The following ATF3 variants were observed in gnomAD, a reference collection of about 807,000 sequenced individuals.
ATF3 encodes cyclic AMP-dependent transcription factor ATF-3.
In ATF3, 10 loss-of-function variants were observed where a neutral mutation model predicts 18.4. The observed-to-expected ratio is 0.54, with a 90% CI of 0.34 to 0.92. The LOEUF is 0.92. Ranked by LOEUF, ATF3 falls within the 40% of genes least tolerant of loss-of-function variation. The pLI is 0.02. For synonymous variants in ATF3, 78 were observed against 87.9 expected (o/e 0.89, Z 0.63); for missense variants, 183 against 222.3 (o/e 0.82, Z 1.12).
At chr1:212,605,655 C>A (rs1654603609), upstream of ATF3, among the ~76,000 whole-genome samples, 1 of 152,220 alleles carries the variant, frequency 6.6e-6, no homozygotes, top group African/African-American at 2.4e-5. Flanking sequence ...CGTTTGGCTC[C>A]CTGCAATGTT....
chr1:212,611,822 TACA>T (rs1195480837), intron 1 of ATF3, among the ~76,000 whole-genome samples: 3 of 152,214 alleles, frequency 2.0e-5, no homozygotes, highest in Non-Finnish European at 4.4e-5. Flanking sequence ...CTGCCAATGA[TACA>T]ACATGATTTC....
chr1:212,602,412 G>A (rs970364575), intron 1 of ATF3, among the ~76,000 whole-genome samples: 1 of 152,124 alleles, frequency 6.6e-6, no homozygotes, highest in Admixed American at 6.5e-5. Context: ...ATTCTGACAC[G>A]ATGTAGAGCC....
intron 1 of ATF3, among the ~76,000 whole-genome samples, chr1:212,584,479 G>C (rs1382799405): frequency 6.6e-6 from 1 of 152,120 alleles, no homozygotes; most frequent in Non-Finnish European, 1.5e-5. Context: ...CAAGTCCAAA[G>C]GCAGGAAAAA....
chr1:212,567,076 C>A (rs992986583), intron 1 of ATF3, among the ~76,000 whole-genome samples: 1 of 152,192 alleles, frequency 6.6e-6, no homozygotes, highest in East Asian at 1.9e-4. Flanking sequence ...TTGGCCACTT[C>A]TTTGAAGCTG....
intron 1 of ATF3, among the ~76,000 whole-genome samples, chr1:212,585,527 T>A (rs1203240703): frequency 6.6e-6 from 1 of 152,242 alleles, no homozygotes; most frequent in East Asian, 1.9e-4. Flanking sequence ...GGCTTGCCTC[T>A]GTTTTCCCGG....
At chr1:212,571,731 A>G (rs1206649812) in intron 1 of ATF3, among the ~76,000 whole-genome samples, 1 of 80,382 alleles carries the variant, frequency 1.2e-5, no homozygotes, top group Non-Finnish European at 2.4e-5. Context: ...TTTTTTTTTG[A>G]GACGGAGTCT....
intron 1 of ATF3, among the ~76,000 whole-genome samples, chr1:212,567,101 A>G (rs1664395800): frequency 6.6e-6 from 1 of 152,112 alleles, no homozygotes; most frequent in Admixed American, 6.5e-5. Context: ...TTGAGCCATA[A>G]ATATAATTTC....
chr1:212,603,435 T>C (rs1207700437), intron 1 of ATF3, among the ~76,000 whole-genome samples: 1 of 152,188 alleles, frequency 6.6e-6, no homozygotes, highest in Admixed American at 6.5e-5. Context: ...GTCACAATCT[T>C]TGGGGGTCCT....
chr1:212,588,009 G>A (rs935964756), intron 1 of ATF3, among the ~76,000 whole-genome samples: 3 of 152,122 alleles, frequency 2.0e-5, no homozygotes, highest in South Asian at 2.1e-4. Flanking sequence ...AGCATGTGGG[G>A]TGACAGCGAT....
At chr1:212,609,387 G>T (rs1219808119) in intron 1 of ATF3, among the ~76,000 whole-genome samples, 2,131 of 140,474 alleles carry the variant, frequency 0.015, 80 homozygotes, top group African/African-American at 0.052. Flanking sequence ...GGGGGGGGGG[G>T]GCGCAGAGAG....
intron 1 of ATF3, among the ~76,000 whole-genome samples, chr1:212,609,762 G>A (rs1409653287): frequency 6.6e-6 from 1 of 152,378 alleles, no homozygotes; most frequent in Admixed American, 6.5e-5. Context: ...GGAGCCACTT[G>A]TGCAGATATT....
chr1:212,588,388 G>A (rs1158186406), intron 1 of ATF3, among the ~76,000 whole-genome samples: 1 of 152,038 alleles, frequency 6.6e-6, no homozygotes, highest in East Asian at 1.9e-4. Flanking sequence ...CACCAATAAA[G>A]AATCACATCT....
chr1:212,618,132 C>G lies in ATF3; in HGVS notation c.246C>G (p.Ala82=), dbSNP rs1298227514. ...GTTTCTTTTGGATTTTACAGGTAGC[C>G]CCTGAAGAAGATGAAAGGAAAAAGA... The part of the protein sequence containing the change: ...LGVSITKAEV[A]PEEDERKKRR... The change falls in exon 3 of 4, where the codon GCC becomes GCG. Residue 82 remains alanine (A), a synonymous_variant. Coordinates refer to ENST00000341491, the MANE Select transcript of ATF3 (RefSeq NM_001674.4). This position sits in a 1 kb window ranked among gnomAD's most constrained non-coding sequence, Gnocchi z 4.4. The G allele has an allele frequency of 1.2e-6, 2 of 1,613,864 alleles. No homozygotes were observed. The highest frequency in any genetic ancestry group is 1.7e-6 in the Non-Finnish European group (2 of 1,179,982).
At chr1:212,580,856 C>A (rs1664671122) in intron 1 of ATF3, among the ~76,000 whole-genome samples, 1 of 152,196 alleles carries the variant, frequency 6.6e-6, no homozygotes, top group South Asian at 2.1e-4. Flanking sequence ...GCAACCTTCA[C>A]CTCCCGGGTT....
intron 2 of ATF3, among the ~76,000 whole-genome samples, chr1:212,617,686 T>C (rs1361386651): frequency 6.6e-6 from 1 of 152,162 alleles, no homozygotes; most frequent in Non-Finnish European, 1.5e-5. Flanking sequence ...GGGTCTTGAA[T>C]TGAAGAAGAG....
At chr1:212,581,606 A>G (rs891729093) in intron 1 of ATF3, among the ~76,000 whole-genome samples, 3 of 152,226 alleles carry the variant, frequency 2.0e-5, no homozygotes, top group Non-Finnish European at 2.9e-5. Flanking sequence ...TCGTAAAATT[A>G]ATGGTTTGAA....
chr1:212,601,966 G>A (rs554472659), intron 1 of ATF3, among the ~76,000 whole-genome samples: 1 of 152,264 alleles, frequency 6.6e-6, no homozygotes, highest in South Asian at 2.1e-4. Context: ...TTGGGCATGT[G>A]AGATATTTTG....
chr1:212,590,472 A>T (rs756329255), intron 1 of ATF3, among the ~76,000 whole-genome samples: 1 of 152,182 alleles, frequency 6.6e-6, no homozygotes, highest in Non-Finnish European at 1.5e-5. Flanking sequence ...TAGGAAGTTC[A>T]CCATCCAAAT....
At chr1:212,611,722 C>G (rs1326885501) in intron 1 of ATF3, among the ~76,000 whole-genome samples, 3 of 152,184 alleles carry the variant, frequency 2.0e-5, no homozygotes, top group African/African-American at 7.2e-5. Context: ...TTCAATGTAG[C>G]TGTAGCTACT....
Sources: allele counts gnomAD v4.1 joint callset (sites outside exome capture counted in the v4.1 genomes callset), GRCh38; gene constraint gnomAD v4.1.1; non-coding constraint Gnocchi (gnomAD v3.1); transcripts MANE v1.5; gene names NCBI Gene and HGNC (gene_info 2026-07-23, HGNC 2026-07-21).